Variants in ASPRV1 observed in about 807,000 individuals in gnomAD.
ASPRV1 encodes the protein retroviral-like aspartic protease 1.
Under a neutral mutation model 11.0 loss-of-function variants are expected in ASPRV1, and 7 were observed. That is an observed-to-expected ratio of 0.64 (90% CI 0.36 to 1.20). The LOEUF (loss-of-function observed/expected upper bound fraction) is 1.20. Ranked by LOEUF, ASPRV1 falls within the 50% of genes most tolerant of loss-of-function variation. The probability of loss-of-function intolerance (pLI) is 0.02; values close to 1 mark genes in which losing one functional copy is unlikely to be tolerated. For missense variants in ASPRV1, 299 were observed against 320.0 expected (o/e 0.93, Z 0.50); for synonymous variants, 136 against 138.4 (o/e 0.98, Z 0.12).
chr2:70,038,530 T>C, the ASPRV1 span, among the ~76,000 whole-genome samples: 3 of 152,130 alleles, frequency 2.0e-5, no homozygotes, highest in Non-Finnish European at 4.4e-5. Context: ...CAATGAGCTA[T>C]GACCACATCA....
At chr2:70,022,362 T>TACACAC in the ASPRV1 span, among the ~76,000 whole-genome samples, 26 of 113,530 alleles carry the variant, frequency 2.3e-4, no homozygotes, top group African/African-American at 3.7e-4. Context: ...CACACACACT[T>TACACAC]ACACACACAC....
chr2:70,054,023 G>A, the ASPRV1 span: 2 of 152,278 alleles, frequency 1.3e-5, no homozygotes, highest in African/African-American at 2.4e-5. Context: ...TCAACACATA[G>A]GAAGCATGTT....
chr2:69,982,292 A>G, the ASPRV1 span, among the ~76,000 whole-genome samples: 2 of 100,028 alleles, frequency 2.0e-5, no homozygotes, highest in Non-Finnish European at 1.8e-5. Context: ...CATCCCTACT[A>G]AAAAAAAAAA....
the ASPRV1 span, among the ~76,000 whole-genome samples, chr2:70,072,149 G>A: frequency 2.0e-5 from 3 of 151,664 alleles, no homozygotes; most frequent in Non-Finnish European, 2.9e-5. Context: ...ATGGGGTTTC[G>A]CCACATTGGC....
chr2:69,955,157 G>T (rs1342038434), downstream of ASPRV1, among the ~76,000 whole-genome samples: 1 of 152,214 alleles, frequency 6.6e-6, no homozygotes. Flanking sequence ...AACGTGGGGT[G>T]GCGTCATGTC....
the ASPRV1 span, among the ~76,000 whole-genome samples, chr2:70,060,579 G>A: frequency 2.6e-5 from 4 of 152,146 alleles, no homozygotes; most frequent in Non-Finnish European, 4.4e-5. Context: ...TTGGGAGGCC[G>A]AGGCAGCTGG....
chr2:69,971,616 A>G, the ASPRV1 span, among the ~76,000 whole-genome samples: 2 of 152,262 alleles, frequency 1.3e-5, no homozygotes, highest in Admixed American at 1.3e-4. Flanking sequence ...ATTCATTATA[A>G]TTAGATTCAA....
chr2:70,034,177 A>AAAG, the ASPRV1 span, among the ~76,000 whole-genome samples: 1 of 143,720 alleles, frequency 7.0e-6, no homozygotes, highest in East Asian at 2.1e-4. Flanking sequence ...AAAAAAAAAA[A>AAAG]GGAAAGCAAT....
At chr2:69,982,843 C>A in the ASPRV1 span, among the ~76,000 whole-genome samples, 1 of 152,222 alleles carries the variant, frequency 6.6e-6, no homozygotes, top group Non-Finnish European at 1.5e-5. Context: ...TGCGTCAGAA[C>A]CCTGGAGCAG....
At chr2:69,982,011 C>T in the ASPRV1 span, among the ~76,000 whole-genome samples, 1 of 151,314 alleles carries the variant, frequency 6.6e-6, no homozygotes, top group African/African-American at 2.4e-5. Flanking sequence ...CCTACGGGCT[C>T]CTTCCTCTCT....
At chr2:69,939,363 C>A in the ASPRV1 span, 4 of 152,540 alleles carry the variant, frequency 2.6e-5, no homozygotes, top group African/African-American at 9.7e-5. Flanking sequence ...CCAGAAACTT[C>A]TTTATGGAGG....
At chr2:69,963,122 C>A, upstream of ASPRV1, 1 of 378,254 alleles carries the variant, frequency 2.6e-6, no homozygotes. Context: ...AGGTCCCCAA[C>A]CACAATGCAA....
chr2:69,958,090 G>GC (rs1478930581), downstream of ASPRV1, among the ~76,000 whole-genome samples: 1 of 152,054 alleles, frequency 6.6e-6, no homozygotes, highest in Non-Finnish European at 1.5e-5. Flanking sequence ...ACTTTTTCTG[G>GC]CTTCTCTCCC....
chr2:70,047,615 C>A, the ASPRV1 span, among the ~76,000 whole-genome samples: 1 of 152,070 alleles, frequency 6.6e-6, no homozygotes, highest in Admixed American at 6.5e-5. Context: ...GATCCTCCCC[C>A]GACATAGTCA....
chr2:69,944,576 A>G, the ASPRV1 span, among the ~76,000 whole-genome samples: 1 of 152,198 alleles, frequency 6.6e-6, no homozygotes, highest in Non-Finnish European at 1.5e-5. Context: ...GCTGAGCCCC[A>G]CACTCCCTTG....
the ASPRV1 span, among the ~76,000 whole-genome samples, chr2:70,015,013 C>T: frequency 9.9e-5 from 15 of 152,032 alleles, no homozygotes; most frequent in Non-Finnish European, 2.2e-4. Context: ...AAATGGCCAA[C>T]AATCATATGT....
the ASPRV1 span, chr2:70,086,477 GC>G: frequency 1.3e-5 from 2 of 152,314 alleles, no homozygotes; most frequent in South Asian, 2.1e-4. Context: ...GGAAGAACCG[GC>G]AAAAAAGGCC....
At chr2:70,010,771 A>C in the ASPRV1 span, among the ~76,000 whole-genome samples, 1 of 152,062 alleles carries the variant, frequency 6.6e-6, no homozygotes. Flanking sequence ...CCCTCAGTCA[A>C]AACTTCTAGG....
the ASPRV1 span, among the ~76,000 whole-genome samples, chr2:70,011,274 TAAA>T: frequency 6.9e-6 from 1 of 145,836 alleles, no homozygotes; most frequent in Admixed American, 6.8e-5. Context: ...AATTAAAAGT[TAAA>T]AAAAAAAAGT....
Sources: gnomAD v4.1 joint callset for allele counts (sites outside exome capture counted in the v4.1 genomes callset) on GRCh38, gnomAD v4.1.1 for gene constraint, MANE v1.5 for transcripts, NCBI Gene and HGNC (gene_info 2026-07-23, HGNC 2026-07-21) for gene names.